The following DRP2 variants were observed in gnomAD, a reference collection of about 807,000 sequenced individuals.
The protein encoded by DRP2 is dystrophin related protein 2.
A neutral mutation model predicts 78.2 loss-of-function variants in DRP2; 29 were observed. The observed-to-expected ratio is 0.37, with a 90% confidence interval of 0.28 to 0.51. The LOEUF (loss-of-function observed/expected upper bound fraction) is 0.51, where lower values mean the gene tolerates loss of function less well. Among genes scored for constraint, DRP2 ranks in the 20% least tolerant of loss-of-function variants. DRP2 has a pLI of 0.94. For missense variants in DRP2, 686 were observed against 770.6 expected (o/e 0.89, Z 1.30); for synonymous variants, 290 against 281.9 (o/e 1.03, Z -0.29).
rs776961888 is a variant in DRP2, at chrX:101,245,368, A to G, written c.1116-20A>G. ...GGTGGGTGGTATAGATGCTGGTACT[A>G]TTGATGCTATTGTTTGTAGCCACCA... On this transcript the variant is annotated intron_variant, in intron 10 of 23. Transcript: ENST00000395209. 23 of 1,191,738 alleles carry G rather than the reference A, an allele frequency of 1.9e-5. 1 individual carries two copies. The South Asian group carries it at 4.2e-4, about 22-fold the overall frequency.
In DRP2 at chrX:101,237,613, G is replaced by A. The variant is rs1295367833; in HGVS notation, c.282-6G>A. 2 of 1,085,282 alleles carry A rather than the reference G, an allele frequency of 1.8e-6. No individual in the cohort carries two copies. Among genetic ancestry groups the A allele is most frequent in the Non-Finnish European group, 2.4e-6 (2 of 822,740 alleles). The allele number at this position is 1,085,282 out of a possible 1,213,427, so 89.4% of individuals were successfully genotyped here. On this transcript the variant is annotated splice_polypyrimidine_tract_variant and splice_region_variant and intron_variant, in intron 4 of 23. Transcript: ENST00000395209. ...GAACATCACTGGTTTTACTCATTGT[G>A]TGCAGCGCTCGCCTAGAGGCCTTCT... is the stretch of plus-strand genomic sequence containing the variant.
chrX:101,224,338 C>T (rs149995096), intron 1 of DRP2, among the ~76,000 whole-genome samples: 12,027 of 95,854 alleles, frequency 0.13, 828 homozygotes, highest in Non-Finnish European at 0.19. Flanking sequence ...GAGCCGAGAT[C>T]ATGCCACTGC....
intron 6 of DRP2, among the ~76,000 whole-genome samples, chrX:101,240,704 G>C (rs749544467): frequency 1.8e-5 from 2 of 112,393 alleles, no homozygotes; most frequent in African/African-American, 3.2e-5. Flanking sequence ...GAGATGGATT[G>C]TGAATAGCCT....
At chrX:101,232,730 G>A (rs1167554061) in intron 3 of DRP2, among the ~76,000 whole-genome samples, 1 of 112,045 alleles carries the variant, frequency 8.9e-6, no homozygotes. Flanking sequence ...TTCTCAAAGC[G>A]AGAGTCAACA....
chrX:101,225,987 A>G (rs898390060), intron 2 of DRP2, among the ~76,000 whole-genome samples: 11 of 112,140 alleles, frequency 9.8e-5, no homozygotes, highest in Admixed American at 9.5e-4. Flanking sequence ...GAGAATTTTT[A>G]CTGCTCAGTT....
intron 1 of DRP2, among the ~76,000 whole-genome samples, chrX:101,224,191 G>GTTTTGTTTTTTTTTTTT (rs1922007763): frequency 2.6e-5 from 1 of 38,882 alleles, no homozygotes; most frequent in African/African-American, 1.3e-4. Context: ...GGTTTTTTTT[G>GTTTTGTTTTTTTTTTTT]TTTTTTTTTT....
intron 2 of DRP2, among the ~76,000 whole-genome samples, chrX:101,225,424 A>G (rs1206427581): frequency 9.0e-6 from 1 of 111,324 alleles, no homozygotes; most frequent in Non-Finnish European, 1.9e-5. Flanking sequence ...CTGGGTACAA[A>G]TCCCAGCTCT....
In DRP2 at chrX:101,255,187, T is replaced by C. The variant is rs1410851354; in HGVS notation, c.2184T>C (p.Leu728=). Residue 728 remains leucine (L), a synonymous_variant, in exon 20 of 24, where the codon CTT becomes CTC. Coordinates refer to ENST00000395209, the MANE Select transcript of DRP2 (RefSeq NM_001939.3). Reference sequence around the variant, plus strand: ...TGCCTCTGCTCTTTATTCCTAGGCTTGCTGAGATGGAAAGTCAAAATTGCT... The same window carrying C: ...TGCCTCTGCTCTTTATTCCTAGGCTCGCTGAGATGGAAAGTCAAAATTGCT... ...HSRIEHFASR[L]AEMESQNCSF... The C allele has an allele frequency of 1.5e-5, 18 of 1,209,427 alleles. No homozygotes were observed. Among genetic ancestry groups the C allele is most frequent in the Non-Finnish European group, 1.8e-5 (16 of 894,835 alleles).
intron 9 of DRP2, among the ~76,000 whole-genome samples, chrX:101,243,770 A>T (rs747048171): frequency 1.8e-5 from 2 of 111,662 alleles, no homozygotes; most frequent in Non-Finnish European, 3.8e-5. Flanking sequence ...AGGGCTATGG[A>T]CAAAAAGCAG....
rs1388829907 is a variant in DRP2 at position 101,237,692 on chromosome X, A to C, written c.355A>C (p.Ser119Arg). 8.5e-6 allele frequency: 10 copies of C among 1,179,888 alleles called. No homozygotes were observed. Among genetic ancestry groups the C allele is most frequent in the Non-Finnish European group, 1.0e-5 (9 of 875,658 alleles). Residue 119 changes from serine to arginine, a missense_variant, in exon 5 of 24, where the codon AGC (serine) becomes CGC (arginine). Ser to Arg is a moderately radical substitution (Grantham distance 110, BLOSUM62 -1). Around this residue, in one of 2 missense-constraint regions of DRP2, gnomAD observed 263 missense variants for 239.1 expected, o/e 1.10. Transcript: ENST00000395209. Reference protein sequence around the residue: ...LPLQEIIDWLSQKDEELSAQL... With the variant: ...LPLQEIIDWLRQKDEELSAQL... ...TCTTCAAGAGATTATTGACTGGCTCAGCCAAAAGGATGAGGAGTTGTCAGC... is the reference window on the plus strand; with the variant it reads ...TCTTCAAGAGATTATTGACTGGCTCCGCCAAAAGGATGAGGAGTTGTCAGC...
intron 11 of DRP2, 123 bp from the exon 12 acceptor site, chrX:101,246,967 T>C: frequency 1.9e-6 from 1 of 522,630 alleles, no homozygotes; most frequent in Non-Finnish European, 3.1e-6. Flanking sequence ...TCCCCACTCT[T>C]GTTGACACTT....
intron 22 of DRP2, among the ~76,000 whole-genome samples, chrX:101,258,851 T>C (rs1923448038): frequency 1.8e-5 from 2 of 111,977 alleles, no homozygotes; most frequent in South Asian, 3.8e-4. Context: ...TCACAACCCA[T>C]TGGAATCCCA....
intron 4 of DRP2, among the ~76,000 whole-genome samples, chrX:101,236,628 C>G (rs1422666387): frequency 8.9e-6 from 1 of 112,084 alleles, no homozygotes; most frequent in Non-Finnish European, 1.9e-5. Context: ...TCTCCACCCT[C>G]TATCATCAAA....
Position 101,264,393 on chromosome X carries a change from G to C in DRP2, c.*3772G>C, listed in dbSNP as rs1441319362. On this transcript the variant is annotated 3_prime_UTR_variant, in exon 24 of 24. Coordinates refer to ENST00000395209, the MANE Select transcript of DRP2 (RefSeq NM_001939.3). ...GGCATGGAAGTCTAGGGGACAAAGGGACAGGGTTGGGAACAAATTGGTTAA... is the reference window on the plus strand; with the variant it reads ...GGCATGGAAGTCTAGGGGACAAAGGCACAGGGTTGGGAACAAATTGGTTAA... The C allele has an allele frequency of 8.9e-6, 1 of 112,035 alleles. No homozygotes were observed. The highest frequency in any genetic ancestry group is 9.5e-5 in the Admixed American group (1 of 10,535). The allele number at this position is 112,035 out of a possible 1,213,427, so 9.2% of individuals were successfully genotyped here. A position where few individuals can be genotyped will look rare whatever the true frequency, so the allele number is the denominator to read the frequency against.
intron 5 of DRP2, among the ~76,000 whole-genome samples, chrX:101,238,068 G>T (rs1922577031): frequency 1.8e-5 from 2 of 111,874 alleles, no homozygotes; most frequent in African/African-American, 6.5e-5. Flanking sequence ...AAAACTAAGT[G>T]CAAGTGGATC....
At chrX:101,245,153 C>A in intron 10 of DRP2, 76 bp downstream of exon 10, 1 of 1,009,952 alleles carries the variant, frequency 9.9e-7, no homozygotes, top group Non-Finnish European at 1.4e-6. Flanking sequence ...TGCTACCTGT[C>A]CTTGTCACTC....
At chrX:101,228,349 A>C (rs1467343817) in intron 2 of DRP2, among the ~76,000 whole-genome samples, 3 of 112,734 alleles carry the variant, frequency 2.7e-5, no homozygotes, top group African/African-American at 9.7e-5. Context: ...CAATGACGAT[A>C]GCTAACACTT....
Position 101,260,094 on chromosome X carries a change from G to A in DRP2, c.2674G>A (p.Ala892Thr). ...DGSGSAGSSLASSPQQSEGSH... is the reference protein window; with the variant it reads ...DGSGSAGSSLTSSPQQSEGSH... ...CAGTGGCTCTGCAGGCTCGTCCCTA[G>A]CTTCCTCTCCACAGCAGTCAGAAGG... The change falls in exon 23 of 24, where the codon GCT becomes ACT. Residue 892 changes from alanine to threonine, a missense_variant. This residue lies in a region of DRP2 where 423 missense variants were observed against 531.5 expected (regional missense o/e 0.80). Transcript: ENST00000395209. The A allele has an allele frequency of 8.3e-7, 1 of 1,211,453 alleles. No homozygotes were observed. The highest frequency in any genetic ancestry group is 1.1e-6 in the Non-Finnish European group (1 of 895,442).
chrX:101,237,416 A>G (rs111636138), intron 4 of DRP2, among the ~76,000 whole-genome samples: 2,938 of 111,760 alleles, frequency 0.026, 43 homozygotes, highest in Middle Eastern at 0.084. Flanking sequence ...TGGTTTTAGT[A>G]CTGTGCTCTA....
Sources: gnomAD v4.1 joint callset for allele counts (sites outside exome capture counted in the v4.1 genomes callset) on GRCh38, gnomAD v4.1.1 for gene constraint, gnomAD v4.1.1 regional missense constraint, MANE v1.5 for transcripts, NCBI Gene and HGNC (gene_info 2026-07-23, HGNC 2026-07-21) for gene names.